TSPAN19: variants seen among roughly 807,000 people sequenced by gnomAD.
TSPAN19 encodes tetraspanin 19, also known as tetraspanin-19.
A neutral mutation model predicts 35.1 loss-of-function variants in TSPAN19; 44 were observed. That is an observed-to-expected ratio of 1.25 (90% CI 0.98 to 1.61). The LOEUF is 1.61. Among genes scored for constraint, TSPAN19 ranks in the 40% most tolerant of loss-of-function variants. The pLI, the probability that TSPAN19 is intolerant of heterozygous loss-of-function variation, is 0.00. For synonymous variants in TSPAN19, 79 were observed against 92.0 expected, an observed-to-expected ratio of 0.86 and a Z score of 0.81; for missense variants, 290 against 280.0, an observed-to-expected ratio of 1.04 and a Z score of -0.26.
At chr12:85,029,633 C>T in intron 3 of TSPAN19, 86 bp downstream of exon 3, 2 of 1,022,998 alleles carry the variant, frequency 2.0e-6, no homozygotes, top group South Asian at 3.1e-5. Flanking sequence ...CAGAGAAATA[C>T]TGCCACCTGC....
chr12:85,034,823 G>A (rs888819025), intron 1 of TSPAN19, among the ~76,000 whole-genome samples: 3 of 152,024 alleles, frequency 2.0e-5, no homozygotes, highest in African/African-American at 7.2e-5. Context: ...GACAATATAG[G>A]AGATCTATCA....
intron 8 of TSPAN19, chr12:85,015,547 C>T (rs796402677): frequency 0.091 from 13,521 of 148,948 alleles, 1,296 homozygotes; most frequent in African/African-American, 0.25. Context: ...CATATACACA[C>T]ACACACACAC....
chr12:85,032,394 T>C (rs533374753), intron 1 of TSPAN19, among the ~76,000 whole-genome samples: 4 of 152,124 alleles, frequency 2.6e-5, no homozygotes, highest in Admixed American at 6.6e-5. Context: ...AATCAAGGCA[T>C]GATCTCATGG....
At chr12:85,028,815 C>T (rs1039596968) in intron 3 of TSPAN19, among the ~76,000 whole-genome samples, 1 of 152,168 alleles carries the variant, frequency 6.6e-6, no homozygotes, top group East Asian at 1.9e-4. Context: ...TCAATATTCT[C>T]TATTCCAGAA....
intron 1 of TSPAN19, among the ~76,000 whole-genome samples, chr12:85,033,713 AGT>A (rs932126453): frequency 7.2e-5 from 11 of 152,174 alleles, no homozygotes; most frequent in African/African-American, 2.2e-4. Context: ...AAGGTCACTT[AGT>A]TAATAAATGG....
intron 8 of TSPAN19, chr12:85,014,809 T>C: frequency 3.6e-6 from 1 of 279,116 alleles, no homozygotes. Flanking sequence ...TTAATTACAT[T>C]AGCTATCACT....
chr12:85,024,772 C>G (rs560335888), intron 4 of TSPAN19: 2 of 145,506 alleles, frequency 1.4e-5, no homozygotes, highest in African/African-American at 5.1e-5. Context: ...CGAGACTCCA[C>G]CTCAAAAAAA....
chr12:85,027,656 T>C (rs2135811369), intron 4 of TSPAN19, among the ~76,000 whole-genome samples: 1 of 152,252 alleles, frequency 6.6e-6, no homozygotes, highest in Admixed American at 6.5e-5. Flanking sequence ...TCCTATTGAC[T>C]CTGTGTTGAA....
chr12:85,025,218 C>T (rs1877340970), intron 4 of TSPAN19, among the ~76,000 whole-genome samples: 2 of 151,914 alleles, frequency 1.3e-5, no homozygotes, highest in South Asian at 4.2e-4. Context: ...TCTCTGCAAC[C>T]TTCGCCTCCC....
rs1362467756 is a variant in TSPAN19 at position 85,023,388 on chromosome 12, T to C, written c.277A>G (p.Ile93Val). The C allele has an allele frequency of 6.9e-6, 11 of 1,583,408 alleles. No homozygotes were observed. Among genetic ancestry groups the C allele is most frequent in the Non-Finnish European group, 9.5e-6 (11 of 1,163,510 alleles). ...ACCTGAACAGCAAAGGTCCATGTTA[T>C]CAATACTGCATACTAAAACAAAAGA... Reference protein sequence around the residue: ...RWLLIVYAVLITWTFAVQVVL... With the variant: ...RWLLIVYAVLVTWTFAVQVVL... The change falls in exon 5 of 9, where the codon ATA (isoleucine) becomes GTA (valine). Residue 93 changes from isoleucine to valine, a missense_variant. Ile to Val is a conservative substitution (Grantham distance 29, BLOSUM62 3). Transcript: ENST00000532498.
At chr12:85,024,444 G>A (rs1877288871) in intron 4 of TSPAN19, among the ~76,000 whole-genome samples, 2 of 152,014 alleles carry the variant, frequency 1.3e-5, no homozygotes, top group South Asian at 4.2e-4. Flanking sequence ...ATTTCCTGCT[G>A]GTAACTGCAA....
chr12:85,027,825 C>T (rs1331051473), intron 4 of TSPAN19, 74 bp downstream of exon 4: 3 of 1,385,212 alleles, frequency 2.2e-6, no homozygotes, highest in Non-Finnish European at 2.9e-6. Flanking sequence ...TAATATAAAT[C>T]AGTATTCATT....
At chr12:85,028,452 T>C (rs959947234) in intron 3 of TSPAN19, among the ~76,000 whole-genome samples, 1 of 152,158 alleles carries the variant, frequency 6.6e-6, no homozygotes, top group Non-Finnish European at 1.5e-5. Flanking sequence ...TTTCAAACTA[T>C]ATTTTATTTT....
chr12:85,028,258 T>A (rs1877517671), intron 3 of TSPAN19, among the ~76,000 whole-genome samples: 1 of 152,178 alleles, frequency 6.6e-6, no homozygotes, highest in Admixed American at 6.6e-5. Context: ...TTCTTAAATT[T>A]CAGAAGATCG....
intron 4 of TSPAN19, among the ~76,000 whole-genome samples, chr12:85,024,926 A>T (rs1022398082): frequency 6.6e-6 from 1 of 152,104 alleles, no homozygotes; most frequent in African/African-American, 2.4e-5. Flanking sequence ...TTAATTACAC[A>T]TATTTTATAC....
intron 6 of TSPAN19, 46 bp downstream of exon 6, chr12:85,019,580 C>G (rs1409946755): frequency 8.5e-7 from 1 of 1,172,748 alleles, no homozygotes; most frequent in Admixed American, 1.8e-5. Flanking sequence ...TTCTGTCCCA[C>G]AGTGGTCAAT....
At chr12:85,029,171 C>G (rs1445605505) in intron 3 of TSPAN19, among the ~76,000 whole-genome samples, 1 of 152,092 alleles carries the variant, frequency 6.6e-6, no homozygotes, top group Non-Finnish European at 1.5e-5. Flanking sequence ...ACTACCATAT[C>G]CTCAGCTCTT....
At chr12:85,026,041 A>G (rs1877394027) in intron 4 of TSPAN19, among the ~76,000 whole-genome samples, 1 of 152,136 alleles carries the variant, frequency 6.6e-6, no homozygotes, top group African/African-American at 2.4e-5. Flanking sequence ...GTCAGATCCT[A>G]TGTTCATGTA....
chr12:85,027,988 T>C lies in TSPAN19; in HGVS notation c.175A>G (p.Ile59Val), dbSNP rs1877501375. Reference protein sequence around the residue: ...NNHFIVPISQILIGMGSSTVL... With the variant: ...NNHFIVPISQVLIGMGSSTVL... ...GTAGAAGATCCCATTCCAATCAAAA[T>C]TTGAGAAATAGGTACTATGAAGTGA... Residue 59 changes from isoleucine (I) to valine (V), a missense_variant, in exon 4 of 9, where the codon ATT (isoleucine) becomes GTT (valine). By Grantham distance (29) the Ile-to-Val change is conservative. Transcript: ENST00000532498. 1 of 1,596,510 alleles carries C rather than the reference T, an allele frequency of 6.3e-7. No homozygotes were observed. Among genetic ancestry groups the C allele is most frequent in the Non-Finnish European group, 8.6e-7 (1 of 1,169,226 alleles).
Sources: gnomAD v4.1 joint callset for allele counts (sites outside exome capture counted in the v4.1 genomes callset) on GRCh38, gnomAD v4.1.1 for gene constraint, MANE v1.5 for transcripts, NCBI Gene and HGNC (gene_info 2026-07-23, HGNC 2026-07-21) for gene names.